ITGB4: variants seen among roughly 807,000 people sequenced by gnomAD.
ITGB4 encodes the protein integrin beta-4.
In ITGB4, 159 loss-of-function variants were observed where a neutral mutation model predicts 207.6. That is an observed-to-expected ratio of 0.77 (90% CI 0.67 to 0.87). The LOEUF is 0.87. Among genes scored for constraint, ITGB4 ranks in the 40% least tolerant of loss-of-function variants. The pLI is 0.00. For missense variants in ITGB4, 2,278 were observed against 2,546.8 expected, an observed-to-expected ratio of 0.89 and a Z score of 2.27; for synonymous variants, 1,020 against 1,062.7, an observed-to-expected ratio of 0.96 and a Z score of 0.78.
Position 75,740,662 on chromosome 17 carries a change from C to T in ITGB4, c.2551-131C>T, listed in dbSNP as rs1804746546. Reference sequence around the variant, plus strand: ...CAGAGCCTGGGCCCAGGATGCTGCCCCACGGGGCATGCCCCAGCCAACCCT... The same window carrying T: ...CAGAGCCTGGGCCCAGGATGCTGCCTCACGGGGCATGCCCCAGCCAACCCT... On this transcript the variant is annotated intron_variant, in intron 21 of 39. Coordinates refer to ENST00000200181, the MANE Select transcript of ITGB4 (RefSeq NM_000213.5). This position sits in a 1 kb window ranked among gnomAD's most constrained non-coding sequence, Gnocchi z 5.9. 1.8e-6 allele frequency: 2 copies of T among 1,127,234 alleles called. No individual in the cohort carries two copies. The highest frequency in any genetic ancestry group is 2.7e-6 in the Non-Finnish European group (2 of 750,128). 69.8% of individuals were successfully genotyped at this position (1,127,234 alleles called of 1,614,324 possible). A position where few individuals can be genotyped will look rare whatever the true frequency, so the allele number is the denominator to read the frequency against.
chr17:75,755,329 C>A, intron 34 of ITGB4: 2 of 1,136,952 alleles, frequency 1.8e-6, no homozygotes, highest in Admixed American at 2.5e-5. Flanking sequence ...CCACAGGACC[C>A]CCGCCTGCCC....
At position 75,729,919 on chromosome 17, in the gene ITGB4, G is replaced by T. The variant is rs930197344; in HGVS notation, c.739-322G>T. 1.3e-5 allele frequency among the ~76,000 whole-genome samples: 2 copies of T among 152,194 alleles called. No individual in the cohort carries two copies. Among genetic ancestry groups the T allele is most frequent in the African/African-American group, 2.4e-5 (1 of 41,444 alleles). Reference sequence around the variant, plus strand: ...AGCACTTTGGGAGGCCGAGGCGGGGGGATTGCTTGAATTCAGGATTTGAGA... The same window carrying T: ...AGCACTTTGGGAGGCCGAGGCGGGGTGATTGCTTGAATTCAGGATTTGAGA... On this transcript the variant is annotated intron_variant, in intron 7 of 39. Coordinates refer to ENST00000200181, the MANE Select transcript of ITGB4 (RefSeq NM_000213.5). This position sits in a 1 kb window ranked among gnomAD's most constrained non-coding sequence, Gnocchi z 4.4.
rs1399983104 is a variant in ITGB4 at position 75,721,569 on chromosome 17, T to A, written c.-54T>A. The A allele has an allele frequency of 2.0e-5, 3 of 149,318 alleles. No individual in the cohort carries two copies. Among genetic ancestry groups the A allele is most frequent in the African/African-American group, 7.5e-5 (3 of 40,048 alleles). The allele number at this position is 149,318 out of a possible 1,614,324, so 9.2% of individuals were successfully genotyped here. ...GGGAGCGAGTCCGCCCCGAGGTAGG[T>A]CCAGGACGGGCGCACAGCAGCAGCC... On this transcript the variant is annotated 5_prime_UTR_variant, in exon 1 of 40. Coordinates refer to ENST00000200181, the MANE Select transcript of ITGB4 (RefSeq NM_000213.5).
chr17:75,754,762 ACT>A lies in ITGB4; in HGVS notation c.4507_4508del (p.Ser1503AspfsTer68). 1 of 1,612,106 alleles carries A rather than the reference ACT, an allele frequency of 6.2e-7. No individual in the cohort carries two copies. The highest frequency in any genetic ancestry group is 1.1e-5 in the South Asian group (1 of 90,910). On this transcript the variant is annotated frameshift_variant, in exon 34 of 40. Coordinates refer to ENST00000200181, the MANE Select transcript of ITGB4 (RefSeq NM_000213.5). LOFTEE classifies it high-confidence loss of function. ...TCACTGACCCGCTCAGAACACTCAC[ACT>A]CGACCACACTGCCCAGGGACTACTC...
rs762780187 is a variant in ITGB4 at position 75,733,709 on chromosome 17, C to G, written c.1657+17C>G. 9 of 1,612,288 alleles carry G rather than the reference C, an allele frequency of 5.6e-6. No individual in the cohort carries two copies. Among genetic ancestry groups the G allele is most frequent in the Non-Finnish European group, 7.6e-6 (9 of 1,179,070 alleles). ...TCTGCAATGGTGAGCACAACAACTG[C>G]GGCCAATGCTGATGGCGGGGTAGGG... is the stretch of plus-strand genomic sequence containing the variant. On this transcript the variant is annotated intron_variant, in intron 13 of 39. Coordinates refer to ENST00000200181, the MANE Select transcript of ITGB4 (RefSeq NM_000213.5).
At position 75,730,757 on chromosome 17, in the gene ITGB4, C is replaced by G. The variant is rs2060838304; in HGVS notation, c.1003-118C>G. 3.6e-6 allele frequency: 4 copies of G among 1,104,448 alleles called. No homozygotes were observed. The South Asian group carries it at 3.8e-5, about 11-fold the overall frequency. The allele number at this position is 1,104,448 out of a possible 1,614,324, so 68.4% of individuals were successfully genotyped here. A position where few individuals can be genotyped will look rare whatever the true frequency, so the allele number is the denominator to read the frequency against. Reference sequence around the variant, plus strand: ...CAGGTGGGGGCTAAGAGGGCAGGCTCTGCGACACCACAGTAGGTTCCAGGC... The same window carrying G: ...CAGGTGGGGGCTAAGAGGGCAGGCTGTGCGACACCACAGTAGGTTCCAGGC... On this transcript the variant is annotated intron_variant, in intron 8 of 39. Coordinates refer to ENST00000200181, the MANE Select transcript of ITGB4 (RefSeq NM_000213.5).
intron 26 of ITGB4, among the ~76,000 whole-genome samples, chr17:75,747,436 G>A (rs1466627054): frequency 3.3e-5 from 5 of 151,984 alleles, no homozygotes; most frequent in African/African-American, 4.8e-5. Flanking sequence ...CCAAGATTGC[G>A]CCACTTCACT....
In ITGB4 at chr17:75,727,285, C is replaced by A. The variant is rs368937384; in HGVS notation, c.162+8C>A. The stretch of plus-strand genomic sequence containing the variant: ...GCCTACTGCACAGACGAGGTGAGGA[C>A]CTGGCCCGGGTTGGTGTGGAACAGG... On this transcript the variant is annotated splice_region_variant and intron_variant, in intron 3 of 39. Transcript: ENST00000200181. This position sits in a 1 kb window ranked among gnomAD's most constrained non-coding sequence, Gnocchi z 6.0. 8 of 1,613,718 alleles carry A rather than the reference C, an allele frequency of 5.0e-6. No individual in the cohort carries two copies. Among genetic ancestry groups the A allele is most frequent in the Non-Finnish European group, 6.8e-6 (8 of 1,179,862 alleles).
Position 75,740,356 on chromosome 17 carries a change from A to G in ITGB4, c.2447-2A>G, listed in dbSNP as rs1275932555. 1 of 1,612,492 alleles carries G rather than the reference A, an allele frequency of 6.2e-7. No individual in the cohort carries two copies. Among genetic ancestry groups the G allele is most frequent in the Admixed American group, 1.7e-5 (1 of 60,000 alleles). On this transcript the variant is annotated splice_acceptor_variant, in intron 20 of 39. Coordinates refer to ENST00000200181, the MANE Select transcript of ITGB4 (RefSeq NM_000213.5). LOFTEE classifies it high-confidence loss of function. This position sits in a 1 kb window ranked among gnomAD's most constrained non-coding sequence, Gnocchi z 5.9. ...TCACCCCCTCCCACCGCCTTTCCTT[A>G]GTGCCCTACGGGCTGTCCTTGCGCC...
At chr17:75,733,440 C>T (rs961025924) in intron 12 of ITGB4, 50 bp from the exon 13 acceptor site, 1 of 1,494,222 alleles carries the variant, frequency 6.7e-7, no homozygotes, top group African/African-American at 1.4e-5. Flanking sequence ...CAGCAAAAGC[C>T]CCAGCTTTCC....
chr17:75,746,360 G>C, intron 26 of ITGB4: 1 of 152,050 alleles, frequency 6.6e-6, no homozygotes. Flanking sequence ...AGCCTCCCAA[G>C]TAACAGGGAC....
At position 75,750,707 on chromosome 17, in the gene ITGB4, G is replaced by A. The variant is rs777175509; in HGVS notation, c.3502G>A (p.Glu1168Lys). ...AAAGTACTGGATTCAGGGTGACTCCGAATCCGAAGCCCACCTGCTCGACAG... is the reference window on the plus strand; with the variant it reads ...AAAGTACTGGATTCAGGGTGACTCCAAATCCGAAGCCCACCTGCTCGACAG... ...RVKYWIQGDS[E>K]SEAHLLDSKV... is the part of the protein sequence containing the mutation. Residue 1168 changes from glutamate (E) to lysine (K), a missense_variant, in exon 29 of 40, where the codon GAA (glutamate) becomes AAA (lysine). Coordinates refer to ENST00000200181, the MANE Select transcript of ITGB4 (RefSeq NM_000213.5). This position sits in a 1 kb window ranked among gnomAD's most constrained non-coding sequence, Gnocchi z 5.5. The A allele has an allele frequency of 5.0e-6, 8 of 1,613,366 alleles. No individual in the cohort carries two copies. In the Admixed American group the frequency reaches 5.0e-5, roughly 10 times the overall value.
In ITGB4 at chr17:75,752,526, G is replaced by A. The variant is rs370453421; in HGVS notation, c.4057G>A (p.Val1353Ile). ...CAGCTTCCTTATGTACAGCGATGACGTTCTACGCTCTCCATCGGGCAGCCA... is the reference window on the plus strand; with the variant it reads ...CAGCTTCCTTATGTACAGCGATGACATTCTACGCTCTCCATCGGGCAGCCA... ...YDSFLMYSDDVLRSPSGSQRP... is the reference protein window; with the variant it reads ...YDSFLMYSDDILRSPSGSQRP... The change falls in exon 32 of 40, where the codon GTT (valine) becomes ATT (isoleucine). Residue 1353 changes from valine to isoleucine, a missense_variant. Physicochemically the swap from Val to Ile is conservative, Grantham distance 29 (BLOSUM62 3). Transcript: ENST00000200181. The A allele has an allele frequency of 5.0e-6, 8 of 1,613,606 alleles. No individual in the cohort carries two copies. The highest frequency in any genetic ancestry group is 2.2e-5 in the East Asian group (1 of 44,886).
rs1466743208 is a variant in ITGB4, at chr17:75,721,478, C to T, written c.-145C>T. On this transcript the variant is annotated 5_prime_UTR_variant, in exon 1 of 40. Coordinates refer to ENST00000200181, the MANE Select transcript of ITGB4 (RefSeq NM_000213.5). The stretch of plus-strand genomic sequence containing the variant: ...CCCACCCCCCCAACCCCCGCGCCCG[C>T]CCTCGGACAGTCCCTGCTCGCCCGC... The T allele has an allele frequency of 1.3e-5, 2 of 152,004 alleles. No homozygotes were observed. Among genetic ancestry groups the T allele is most frequent in the South Asian group, 2.1e-4 (1 of 4,822 alleles). 9.4% of individuals were successfully genotyped at this position (152,004 alleles called of 1,614,324 possible).
chr17:75,752,534 C>T lies in ITGB4; in HGVS notation c.4065C>T (p.Arg1355=). ...TTATGTACAGCGATGACGTTCTACG[C>T]TCTCCATCGGGCAGCCAGAGGCCCA... ...SFLMYSDDVL[R]SPSGSQRPSV... is the part of the protein sequence containing the mutation. The change falls in exon 32 of 40, where the codon CGC becomes CGT. Residue 1355 remains arginine (R), a synonymous_variant. Coordinates refer to ENST00000200181, the MANE Select transcript of ITGB4 (RefSeq NM_000213.5). 1 of 1,613,684 alleles carries T rather than the reference C, an allele frequency of 6.2e-7. No individual in the cohort carries two copies. Among genetic ancestry groups the T allele is most frequent in the Non-Finnish European group, 8.5e-7 (1 of 1,180,028 alleles).
At position 75,731,812 on chromosome 17, in the gene ITGB4, G is replaced by C; in HGVS notation, c.1216G>C (p.Gly406Arg). 1 of 1,587,630 alleles carries C rather than the reference G, an allele frequency of 6.3e-7. No homozygotes were observed. Among genetic ancestry groups the C allele is most frequent in the Non-Finnish European group, 8.6e-7 (1 of 1,166,906 alleles). Residue 406 changes from glycine to arginine, a missense_variant and splice_region_variant, in exon 11 of 40, where the codon GGT (glycine) becomes CGT (arginine). Coordinates refer to ENST00000200181, the MANE Select transcript of ITGB4 (RefSeq NM_000213.5). This position sits in a 1 kb window ranked among gnomAD's most constrained non-coding sequence, Gnocchi z 6.8. ...GSFHIRRGEV[G>R]IYQVQLRALE... ...TTGGCTGACCACGGGGCCCCTGCAGGGTATATACCAGGTGCAGCTGCGGGC... is the reference window on the plus strand; with the variant it reads ...TTGGCTGACCACGGGGCCCCTGCAGCGTATATACCAGGTGCAGCTGCGGGC...
intron 33 of ITGB4, 137 bp downstream of exon 33, chr17:75,754,111 C>A (rs2061432069): frequency 6.5e-6 from 3 of 463,298 alleles, no homozygotes; most frequent in Non-Finnish European, 1.1e-5. Flanking sequence ...GGGAGCACAG[C>A]TGCTCAGAGG....
rs1156423816 is a variant in ITGB4 at position 75,740,428 on chromosome 17, G to A, written c.2517G>A (p.Glu839=). ...TENLLKPDTR[E]CAQLRQEVEE... ...ACCTGCTGAAGCCTGACACTCGGGA[G>A]TGCGCCCAGCTGCGCCAGGAGGTGG... The change falls in exon 21 of 40, where the codon GAG becomes GAA. Residue 839 remains glutamate (E), a synonymous_variant. Transcript: ENST00000200181. The surrounding 1 kb of genome is among the most constrained non-coding windows in gnomAD (Gnocchi z 5.9). 2.5e-6 allele frequency: 4 copies of A among 1,613,914 alleles called. No individual in the cohort carries two copies. The highest frequency in any genetic ancestry group is 4.5e-5 in the East Asian group (2 of 44,876).
In ITGB4 at chr17:75,733,602, T is replaced by A. The variant is rs1414774342; in HGVS notation, c.1567T>A (p.Cys523Ser). 4 of 1,614,148 alleles carry A rather than the reference T, an allele frequency of 2.5e-6. No homozygotes were observed. Among genetic ancestry groups the A allele is most frequent in the Non-Finnish European group, 3.4e-6 (4 of 1,180,024 alleles). ...CCGTGGGGAGTGCCAGTGCGGGCAC[T>A]GTGTGTGCTACGGCGAAGGCCGCTA... is the stretch of plus-strand genomic sequence containing the variant. The part of the protein sequence containing the change: ...SGRGECQCGH[C>S]VCYGEGRYEG... Residue 523 changes from cysteine to serine, a missense_variant, in exon 13 of 40, where the codon TGT (cysteine) becomes AGT (serine). Cys to Ser is a moderately radical substitution (Grantham distance 112). Coordinates refer to ENST00000200181, the MANE Select transcript of ITGB4 (RefSeq NM_000213.5).
Sources: allele counts gnomAD v4.1 joint callset (sites outside exome capture counted in the v4.1 genomes callset), GRCh38; gene constraint gnomAD v4.1.1; non-coding constraint Gnocchi (gnomAD v3.1); transcripts MANE v1.5; gene names NCBI Gene and HGNC (gene_info 2026-07-23, HGNC 2026-07-21).